ARL15: variants seen among roughly 807,000 people sequenced by gnomAD.
ARL15 encodes ADP-ribosylation factor-like protein 15.
ARL15 carries 19 observed loss-of-function variants against 25.2 expected under a neutral mutation model. The observed-to-expected ratio is 0.75, with a 90% CI of 0.53 to 1.10. The LOEUF is 1.10. Ranked by LOEUF, ARL15 falls within the 50% of genes least tolerant of loss-of-function variation. The pLI is 0.00. For synonymous variants in ARL15, 94 were observed against 86.8 expected, an observed-to-expected ratio of 1.08 and a Z score of -0.46; for missense variants, 220 against 246.0, an observed-to-expected ratio of 0.89 and a Z score of 0.71.
At chr5:54,079,037 A>T (rs976771398) in intron 4 of ARL15, among the ~76,000 whole-genome samples, 1 of 152,190 alleles carries the variant, frequency 6.6e-6, no homozygotes, top group African/African-American at 2.4e-5. Context: ...TGTTATTTTT[A>T]AAAAGTAAAC....
At chr5:54,031,470 C>T (rs952288640) in intron 4 of ARL15, among the ~76,000 whole-genome samples, 1 of 152,034 alleles carries the variant, frequency 6.6e-6, no homozygotes. Context: ...ATACATGGCA[C>T]TTATGAGAAA....
chr5:54,250,931 C>T (rs1757221187), intron 1 of ARL15, among the ~76,000 whole-genome samples: 1 of 152,116 alleles, frequency 6.6e-6, no homozygotes, highest in East Asian at 1.9e-4. Flanking sequence ...GCAAGGTCCA[C>T]CTCCTAACAG....
At chr5:53,979,776 A>G (rs1249572848) in intron 4 of ARL15, among the ~76,000 whole-genome samples, 1 of 151,924 alleles carries the variant, frequency 6.6e-6, no homozygotes, top group Non-Finnish European at 1.5e-5. Flanking sequence ...TAATTTGTTT[A>G]GCATCTGCTT....
At chr5:53,912,423 A>T (rs1394917023) in intron 4 of ARL15, among the ~76,000 whole-genome samples, 1 of 152,196 alleles carries the variant, frequency 6.6e-6, no homozygotes, top group African/African-American at 2.4e-5. Context: ...ATGAAATCCA[A>T]CAGTATGTAA....
chr5:54,303,740 G>A (rs1278778913), intron 1 of ARL15, among the ~76,000 whole-genome samples: 1 of 142,600 alleles, frequency 7.0e-6, no homozygotes, highest in African/African-American at 2.6e-5. Flanking sequence ...AAGGAGAGGG[G>A]AGGGGAGGGG....
rs183600654 is a variant in ARL15, at chr5:54,143,532, G to A, written c.253+11048C>T. Among the ~76,000 whole-genome samples, 257 of 151,512 alleles carry A rather than the reference G, an allele frequency of 1.7e-3. 1 individual carries two copies. Among genetic ancestry groups the A allele is most frequent in the Middle Eastern group, 3.4e-3 (1 of 292 alleles). On this transcript the variant is annotated intron_variant, in intron 3 of 4. Coordinates refer to ENST00000504924, the MANE Select transcript of ARL15 (RefSeq NM_019087.3). ...AATATGTAATATTTTTATGCTATCC[G>A]TATTAGAAAAGGGAATTTAATCTAC... is the stretch of plus-strand genomic sequence containing the variant.
chr5:54,183,582 G>T (rs537692083), intron 1 of ARL15, among the ~76,000 whole-genome samples: 1 of 151,140 alleles, frequency 6.6e-6, no homozygotes, highest in South Asian at 2.1e-4. Context: ...TTGCATCAAT[G>T]TTCATCAAGG....
intron 4 of ARL15, among the ~76,000 whole-genome samples, chr5:53,942,583 T>C (rs1252893438): frequency 4.6e-5 from 7 of 151,848 alleles, no homozygotes; most frequent in Non-Finnish European, 1.0e-4. Flanking sequence ...CCGTCTCTAC[T>C]AAAAATACAA....
At chr5:53,887,462 C>T in intron 4 of ARL15, 1 of 686,948 alleles carries the variant, frequency 1.5e-6, no homozygotes, top group Non-Finnish European at 2.6e-6. Flanking sequence ...ACAAGTCACT[C>T]TTACTATATT....
At chr5:53,952,637 G>C (rs1747015827) in intron 4 of ARL15, among the ~76,000 whole-genome samples, 1 of 152,014 alleles carries the variant, frequency 6.6e-6, no homozygotes, top group African/African-American at 2.4e-5. Context: ...TCTCTCTAGG[G>C]AAATACTTAA....
rs536190488 is a variant in ARL15, at chr5:54,020,950, G to A, written c.462+92252C>T. On this transcript the variant is annotated intron_variant, in intron 4 of 4. Coordinates refer to ENST00000504924, the MANE Select transcript of ARL15 (RefSeq NM_019087.3). ...AGCCTGGGTGACAGAGTGAAACTCC[G>A]TCTCAAAAAAAAGAAAAGACAGTCA... 2.2e-4 allele frequency among the ~76,000 whole-genome samples: 33 copies of A among 149,380 alleles called. No individual in the cohort carries two copies. The South Asian group carries it at 2.6e-3, about 12-fold the overall frequency.
chr5:54,192,892 G>A (rs1755445795), intron 1 of ARL15, among the ~76,000 whole-genome samples: 2 of 152,160 alleles, frequency 1.3e-5, no homozygotes, highest in African/African-American at 4.8e-5. Flanking sequence ...GAGGATATTG[G>A]TGATCTTCAC....
intron 4 of ARL15, among the ~76,000 whole-genome samples, chr5:53,918,367 T>C (rs1745724707): frequency 6.6e-6 from 1 of 151,938 alleles, no homozygotes; most frequent in South Asian, 2.1e-4. Flanking sequence ...TTTTTATTTT[T>C]AGTAGAGATG....
At chr5:53,985,661 A>G (rs1286831623) in intron 4 of ARL15, among the ~76,000 whole-genome samples, 1 of 152,194 alleles carries the variant, frequency 6.6e-6, no homozygotes, top group Non-Finnish European at 1.5e-5. Context: ...TTAAGGCTTA[A>G]TAACATTCCA....
chr5:53,945,524 C>T (rs1746697808), intron 4 of ARL15, among the ~76,000 whole-genome samples: 1 of 148,572 alleles, frequency 6.7e-6, no homozygotes, highest in South Asian at 2.2e-4. Context: ...CAGGCATTCT[C>T]AGCACACTGA....
chr5:54,029,312 C>CACCACCACCACCACT (rs1561194943), intron 4 of ARL15, among the ~76,000 whole-genome samples: 3 of 115,948 alleles, frequency 2.6e-5, no homozygotes, highest in African/African-American at 1.1e-4. Context: ...CAGTTACCAC[C>CACCACCACCACCACT]ACCACCACCA....
chr5:53,890,540 G>A (rs890122679), intron 4 of ARL15, among the ~76,000 whole-genome samples: 6 of 152,174 alleles, frequency 3.9e-5, no homozygotes, highest in African/African-American at 1.4e-4. Flanking sequence ...CTTTGGAGAC[G>A]GCACTTGGGA....
chr5:54,146,408 C>T (rs1045363358), intron 3 of ARL15, among the ~76,000 whole-genome samples: 1 of 152,100 alleles, frequency 6.6e-6, no homozygotes, highest in African/African-American at 2.4e-5. Context: ...GCATCTTCGA[C>T]TGCTGGAAAA....
At chr5:54,224,079 G>A (rs1756451517) in intron 1 of ARL15, among the ~76,000 whole-genome samples, 1 of 152,130 alleles carries the variant, frequency 6.6e-6, no homozygotes, top group Non-Finnish European at 1.5e-5. Context: ...TACAACGCAG[G>A]GACACAATGA....
Sources: gnomAD v4.1 joint callset for allele counts (sites outside exome capture counted in the v4.1 genomes callset) on GRCh38, gnomAD v4.1.1 for gene constraint, MANE v1.5 for transcripts, NCBI Gene and HGNC (gene_info 2026-07-23, HGNC 2026-07-21) for gene names.